ASB2: variants seen among roughly 807,000 people sequenced by gnomAD.
The protein encoded by ASB2 is ankyrin repeat and SOCS box containing 2.
A neutral mutation model predicts 62.4 loss-of-function variants in ASB2; 58 were observed. The observed-to-expected ratio is 0.93, with a 90% CI of 0.75 to 1.16. ASB2 has a LOEUF of 1.16. ASB2 is among the 50% of genes most tolerant of loss of function. ASB2 has a pLI of 0.00. For synonymous variants in ASB2, 386 were observed against 385.3 expected (o/e 1.00, Z -0.02); for missense variants, 928 against 887.9 (o/e 1.05, Z -0.57).
At chr14:93,962,022 G>A (rs1889423270) in intron 2 of ASB2, among the ~76,000 whole-genome samples, 1 of 149,240 alleles carries the variant, frequency 6.7e-6, no homozygotes, top group African/African-American at 2.5e-5. Flanking sequence ...GGTGGCTTTT[G>A]TAAACATTAA....
At chr14:93,958,501 A>T (rs141518560) in intron 2 of ASB2, among the ~76,000 whole-genome samples, 4 of 152,190 alleles carry the variant, frequency 2.6e-5, no homozygotes, top group African/African-American at 7.2e-5. Context: ...GTGACTTTGG[A>T]CAAGCCCCAT....
intron 9 of ASB2, among the ~76,000 whole-genome samples, chr14:93,937,132 G>A (rs1336129971): frequency 6.6e-6 from 1 of 152,186 alleles, no homozygotes; most frequent in East Asian, 1.9e-4. Context: ...GCAAGGCCCT[G>A]GCAAGGCTGG....
At chr14:93,935,963 T>C (rs1301088844) in intron 9 of ASB2, among the ~76,000 whole-genome samples, 4 of 152,256 alleles carry the variant, frequency 2.6e-5, no homozygotes, top group South Asian at 2.1e-4. Context: ...GTCTTGAATA[T>C]ATATTCATTT....
Position 93,939,609 on chromosome 14 carries a change from C to T in ASB2, c.1116G>A (p.Pro372=), listed in dbSNP as rs1000937531. ...RTRIRRSGVS[P]LHLAAERNHD... ...GGTTGCGCTCGGCCGCCAGGTGCAGCGGACTGACGCCGCTACGGCGTATGC... is the reference window on the plus strand; with the variant it reads ...GGTTGCGCTCGGCCGCCAGGTGCAGTGGACTGACGCCGCTACGGCGTATGC... The change falls in exon 8 of 10, where the codon CCG becomes CCA. Residue 372 remains proline, a synonymous_variant. Coordinates refer to ENST00000555019, the MANE Select transcript of ASB2 (RefSeq NM_001202429.2). The T allele has an allele frequency of 1.3e-6, 2 of 1,558,118 alleles. No individual in the cohort carries two copies. Among genetic ancestry groups the T allele is most frequent in the South Asian group, 1.2e-5 (1 of 86,206 alleles).
chr14:93,969,515 GA>G (rs1247829749), intron 1 of ASB2, among the ~76,000 whole-genome samples: 1 of 152,224 alleles, frequency 6.6e-6, no homozygotes, highest in Non-Finnish European at 1.5e-5. Context: ...CCCTTGTCAT[GA>G]AGATGCTGCC....
At chr14:93,951,983 T>C (rs1328424828) in intron 5 of ASB2, among the ~76,000 whole-genome samples, 2 of 152,158 alleles carry the variant, frequency 1.3e-5, no homozygotes. Flanking sequence ...GCAGGTGGTA[T>C]TGGAGTCACC....
chr14:93,951,237 C>T lies in ASB2; in HGVS notation c.642G>A (p.Glu214=), dbSNP rs114936064. The T allele has an allele frequency of 1.8e-4, 286 of 1,599,394 alleles. 5 individuals are homozygous for T. The Middle Eastern group carries it at 3.4e-3, about 19-fold the overall frequency. ...TCTTCACGGCCTCCGCGTTCTTGCGCTCGCAGGCTGTGCTCAGGGGGAAGC... is the reference window on the plus strand; with the variant it reads ...TCTTCACGGCCTCCGCGTTCTTGCGTTCGCAGGCTGTGCTCAGGGGGAAGC... ...SRETPLYKAC[E]RKNAEAVKIL... is the part of the protein sequence containing the mutation. Residue 214 remains glutamate (E), a synonymous_variant, in exon 6 of 10, where the codon GAG becomes GAA. Coordinates refer to ENST00000555019, the MANE Select transcript of ASB2 (RefSeq NM_001202429.2).
intron 8 of ASB2, among the ~76,000 whole-genome samples, chr14:93,938,738 T>C (rs1247369728): frequency 1.3e-5 from 2 of 152,144 alleles, no homozygotes; most frequent in African/African-American, 4.8e-5. Flanking sequence ...CCATCATTGG[T>C]TCCTTAAATT....
chr14:93,959,628 G>T (rs1194920156), intron 2 of ASB2, among the ~76,000 whole-genome samples: 1 of 152,172 alleles, frequency 6.6e-6, no homozygotes, highest in Non-Finnish European at 1.5e-5. Flanking sequence ...CCCAGGTAGG[G>T]CCTCTGTCCT....
chr14:93,935,888 C>T (rs756393891), intron 9 of ASB2, among the ~76,000 whole-genome samples: 15 of 152,206 alleles, frequency 9.9e-5, no homozygotes, highest in Non-Finnish European at 1.5e-5. Context: ...TGGTTAGTTC[C>T]TATTACTATC....
At chr14:93,935,374 G>A (rs1252665596) in intron 9 of ASB2, among the ~76,000 whole-genome samples, 4 of 152,224 alleles carry the variant, frequency 2.6e-5, no homozygotes. Flanking sequence ...GAGCAGGGAT[G>A]AACGCATCCA....
At chr14:93,956,066 A>G (rs796574023) in intron 3 of ASB2, among the ~76,000 whole-genome samples, 1 of 152,294 alleles carries the variant, frequency 6.6e-6, no homozygotes, top group African/African-American at 2.4e-5. Context: ...CCTTCTCTAC[A>G]ACGTAACTGA....
intron 1 of ASB2, among the ~76,000 whole-genome samples, chr14:93,967,442 A>G (rs1214665358): frequency 6.6e-6 from 1 of 152,258 alleles, no homozygotes; most frequent in African/African-American, 2.4e-5. Flanking sequence ...GCTGGTGCCC[A>G]GGACCTGGCC....
chr14:93,960,950 GATAAATAAATAAATAA>G (rs3063040), intron 2 of ASB2, among the ~76,000 whole-genome samples: 3 of 144,724 alleles, frequency 2.1e-5, no homozygotes, highest in Non-Finnish European at 4.5e-5. Flanking sequence ...GGGCACTGGA[GATAAATAAATAAATAA>G]ATAAATAAAT....
intron 2 of ASB2, chr14:93,957,163 G>A (rs1028620056): frequency 7.1e-5 from 67 of 939,888 alleles, no homozygotes; most frequent in Non-Finnish European, 9.0e-5. Context: ...AGCCAACCAC[G>A]AAAGAGGCAG....
At chr14:93,938,839 C>A (rs1390345227) in intron 8 of ASB2, among the ~76,000 whole-genome samples, 4 of 152,236 alleles carry the variant, frequency 2.6e-5, no homozygotes, top group South Asian at 2.1e-4. Flanking sequence ...ACCGGTTCCG[C>A]TGCCTCCAAA....
chr14:93,943,798 C>T (rs955399439), intron 7 of ASB2: 6 of 373,888 alleles, frequency 1.6e-5, no homozygotes, highest in African/African-American at 4.2e-5. Context: ...TCTCTTTTAA[C>T]TAATGGGGAT....
chr14:93,964,728 C>A, intron 1 of ASB2, 116 bp from the exon 2 acceptor site: 1 of 623,690 alleles, frequency 1.6e-6, no homozygotes, highest in South Asian at 1.9e-5. Flanking sequence ...TAAATTTATT[C>A]ATTGGTCACA....
At chr14:93,957,821 G>A (rs148692878) in intron 2 of ASB2, among the ~76,000 whole-genome samples, 445 of 152,252 alleles carry the variant, frequency 2.9e-3, no homozygotes, top group African/African-American at 0.01. Flanking sequence ...GTGAGAACAG[G>A]GTATATGGCC....
Sources: allele counts gnomAD v4.1 joint callset (sites outside exome capture counted in the v4.1 genomes callset), GRCh38; gene constraint gnomAD v4.1.1; transcripts MANE v1.5; gene names NCBI Gene and HGNC (gene_info 2026-07-23, HGNC 2026-07-21).